The following SORL1 variants were observed in gnomAD, a reference collection of about 807,000 sequenced individuals.
SORL1 encodes the protein sortilin-related receptor.
Under a neutral mutation model 273.7 loss-of-function variants are expected in SORL1, and 127 were observed. That is an observed-to-expected ratio of 0.46 (90% CI 0.40 to 0.54). The LOEUF (loss-of-function observed/expected upper bound fraction) is 0.54, where lower values mean the gene tolerates loss of function less well. Ranked by LOEUF, SORL1 falls within the 20% of genes least tolerant of loss-of-function variation. The pLI is 0.00. For synonymous variants in SORL1, 1,031 were observed against 1,067.4 expected, an observed-to-expected ratio of 0.97 and a Z score of 0.66; for missense variants, 2,494 against 2,846.1, an observed-to-expected ratio of 0.88 and a Z score of 2.81.
chr11:121,583,501 CGG>C lies in SORL1; in HGVS notation c.3626_3627del (p.Gly1209AlafsTer10), dbSNP rs763004685. ...AGGCCTCCAACTTCCAGTGCCGAAACGGGCACTGCATCCCCCAGCGGTGGGCG... is the reference window on the plus strand; with the variant it reads ...AGGCCTCCAACTTCCAGTGCCGAAACGCACTGCATCCCCCAGCGGTGGGCG... The part of the protein sequence containing the change: ...CEASNFQCRN[G>X]HCIPQRWACD... On this transcript the variant is annotated frameshift_variant, in exon 26 of 48. Transcript: ENST00000260197. LOFTEE classifies it high-confidence loss of function. 6.2e-7 allele frequency: 1 copy of C among 1,612,910 alleles called. No homozygotes were observed.
Position 121,596,616 on chromosome 11 carries a change from A to G in SORL1, c.4519+844A>G, listed in dbSNP as rs1288069129. 6.6e-6 allele frequency among the ~76,000 whole-genome samples: 1 copy of G among 152,022 alleles called. No homozygotes were observed. The highest frequency in any genetic ancestry group is 2.4e-5 in the African/African-American group (1 of 41,406). On this transcript the variant is annotated intron_variant, in intron 32 of 47. Coordinates refer to ENST00000260197, the MANE Select transcript of SORL1 (RefSeq NM_003105.6). The surrounding 1 kb of genome is among the most constrained non-coding windows in gnomAD (Gnocchi z 4.3). ...TGCTTTGCGGGCCTCCCCTCCATCCAGTCTCCTGCTGGCTGCAGACAGCAG... is the reference window on the plus strand; with the variant it reads ...TGCTTTGCGGGCCTCCCCTCCATCCGGTCTCCTGCTGGCTGCAGACAGCAG...
intron 20 of SORL1, 129 bp from the exon 21 acceptor site, chr11:121,559,390 A>C: frequency 1.0e-6 from 1 of 960,526 alleles, no homozygotes; most frequent in Admixed American, 2.5e-5. Flanking sequence ...TTTAAGTAGA[A>C]TCTTGATCAG....
At chr11:121,585,905 A>G (rs1236502429) in intron 26 of SORL1, among the ~76,000 whole-genome samples, 1 of 152,234 alleles carries the variant, frequency 6.6e-6, no homozygotes, top group Non-Finnish European at 1.5e-5. Context: ...TCTATTACAC[A>G]GTTTTGCAAT....
chr11:121,528,703 A>G (rs1862159232), intron 11 of SORL1, among the ~76,000 whole-genome samples: 1 of 152,172 alleles, frequency 6.6e-6, no homozygotes, highest in African/African-American at 2.4e-5. Flanking sequence ...TTGATTTCTA[A>G]TTTAATTTCC....
rs756997801 is a variant in SORL1, at chr11:121,545,446, T to G, written c.2051+17T>G. On this transcript the variant is annotated intron_variant, in intron 14 of 47. Coordinates refer to ENST00000260197, the MANE Select transcript of SORL1 (RefSeq NM_003105.6). ...CTATGAGTGGTCAGTTCTTCTTTGA[T>G]GGCTGGGGACTGAGTTGTGTTTTAT... The G allele has an allele frequency of 2.5e-6, 4 of 1,612,614 alleles. No individual in the cohort carries two copies. In the African/African-American group the frequency reaches 5.3e-5, roughly 22 times the overall value.
intron 11 of SORL1, among the ~76,000 whole-genome samples, chr11:121,526,385 A>T (rs1461070363): frequency 2.6e-5 from 4 of 152,216 alleles, no homozygotes; most frequent in Non-Finnish European, 5.9e-5. Context: ...AAATGTTGAG[A>T]TCAAGTAGGG....
At chr11:121,480,582 T>C (rs892018060) in intron 3 of SORL1, among the ~76,000 whole-genome samples, 3 of 151,668 alleles carry the variant, frequency 2.0e-5, no homozygotes, top group African/African-American at 7.3e-5. Flanking sequence ...CAGATACCTA[T>C]AGGCAGGCTC....
intron 1 of SORL1, among the ~76,000 whole-genome samples, chr11:121,460,095 C>T (rs2134767659): frequency 6.6e-6 from 1 of 152,272 alleles, no homozygotes; most frequent in Middle Eastern, 3.4e-3. Context: ...AAAAGATGTA[C>T]CTATATCAAA....
At chr11:121,482,048 C>T (rs1324518431) in intron 3 of SORL1, among the ~76,000 whole-genome samples, 1 of 152,226 alleles carries the variant, frequency 6.6e-6, no homozygotes, top group African/African-American at 2.4e-5. Context: ...TGGGTTCTGA[C>T]TTCCTTTCTG....
intron 3 of SORL1, 89 bp from the exon 4 acceptor site, chr11:121,487,943 T>G: frequency 7.2e-7 from 1 of 1,392,930 alleles, no homozygotes; most frequent in Non-Finnish European, 1.0e-6. Flanking sequence ...TGCACATGTG[T>G]GTACTCGTGT....
Position 121,496,862 on chromosome 11 carries a change from C to A in SORL1, c.759-7C>A, listed in dbSNP as rs751284432. The A allele has an allele frequency of 2.0e-6, 3 of 1,491,904 alleles. No individual in the cohort carries two copies. The highest frequency in any genetic ancestry group is 2.7e-6 in the Non-Finnish European group (3 of 1,119,766). The allele number at this position is 1,491,904 out of a possible 1,614,324, so 92.4% of individuals were successfully genotyped here. ...ATGATAACAACCTTTTTTTTTTTTT[C>A]TGCCAGGGGAATTGATCCCTATGAC... is the stretch of plus-strand genomic sequence containing the variant. On this transcript the variant is annotated splice_polypyrimidine_tract_variant and splice_region_variant and intron_variant, in intron 5 of 47. Coordinates refer to ENST00000260197, the MANE Select transcript of SORL1 (RefSeq NM_003105.6).
chr11:121,606,770 T>A (rs1863480584), intron 35 of SORL1, 75 bp from the exon 36 acceptor site: 7 of 970,996 alleles, frequency 7.2e-6, no homozygotes, highest in Middle Eastern at 2.3e-4. Flanking sequence ...CTTGTCCTTG[T>A]TCTAAGCCCA....
Position 121,452,370 on chromosome 11 carries a change from G to T in SORL1, c.39G>T (p.Pro13=). The change falls in exon 1 of 48, where the codon CCG becomes CCT. Residue 13 remains proline, a synonymous_variant. Transcript: ENST00000260197. This position sits in a 1 kb window ranked among gnomAD's most constrained non-coding sequence, Gnocchi z 5.3. The part of the protein sequence containing the change: ...TRSSRRESRL[P]FLFTLVALLP... ...GCAGCAGGAGGGAGTCGCGACTCCC[G>T]TTCCTATTCACCCTGGTCGCACTGC... The T allele has an allele frequency of 1.3e-6, 2 of 1,553,706 alleles. No individual in the cohort carries two copies. Among genetic ancestry groups the T allele is most frequent in the Non-Finnish European group, 1.7e-6 (2 of 1,154,474 alleles).
At position 121,590,137 on chromosome 11, in the gene SORL1, C is replaced by G. The variant is rs2276412; in HGVS notation, c.4176C>G (p.Asn1392Lys). The change falls in exon 30 of 48, where the codon AAC (asparagine) becomes AAG (lysine). Residue 1392 changes from asparagine to lysine, a missense_variant. Asn to Lys is a moderately conservative substitution (Grantham distance 94, BLOSUM62 0). This residue lies in a region of SORL1 where 1,609 missense variants were observed against 1,816.4 expected (regional missense o/e 0.89). Coordinates refer to ENST00000260197, the MANE Select transcript of SORL1 (RefSeq NM_003105.6). ...ACAGATGGAAATGTGACAGGGAGAACGACTGTGGGGACTGGTCTGATGAGA... is the reference window on the plus strand; with the variant it reads ...ACAGATGGAAATGTGACAGGGAGAAGGACTGTGGGGACTGGTCTGATGAGA... ...IPNRWKCDRE[N>K]DCGDWSDEKD... 6.2e-7 allele frequency: 1 copy of G among 1,614,090 alleles called. No homozygotes were observed. The highest frequency in any genetic ancestry group is 1.3e-5 in the African/African-American group (1 of 74,982).
chr11:121,589,400 C>A lies in SORL1; in HGVS notation c.4078+10C>A, dbSNP rs765414894. 6.2e-7 allele frequency: 1 copy of A among 1,612,408 alleles called. No homozygotes were observed. Among genetic ancestry groups the A allele is most frequent in the Non-Finnish European group, 8.5e-7 (1 of 1,178,588 alleles). On this transcript the variant is annotated intron_variant, in intron 29 of 47. Coordinates refer to ENST00000260197, the MANE Select transcript of SORL1 (RefSeq NM_003105.6). The stretch of plus-strand genomic sequence containing the variant: ...GATGAAGCCAACTGCGGTAAGATGT[C>A]CAGTCTGCCTCCTCACATCCTAATC...
intron 11 of SORL1, among the ~76,000 whole-genome samples, chr11:121,531,756 T>G (rs748286059): frequency 6.6e-6 from 1 of 152,210 alleles, no homozygotes; most frequent in Non-Finnish European, 1.5e-5. Context: ...TTGCGTAAGT[T>G]CATATACAAA....
At chr11:121,537,417 T>C (rs185108977) in intron 12 of SORL1, among the ~76,000 whole-genome samples, 40 of 152,244 alleles carry the variant, frequency 2.6e-4, no homozygotes, top group South Asian at 1.2e-3. Flanking sequence ...CTGCAGGGCA[T>C]GGTTTCTGAT....
rs1863810454 is a variant in SORL1, at chr11:121,627,326, A to G, written c.6365-229A>G. The G allele has an allele frequency of 1.8e-6, 1 of 566,832 alleles. No individual in the cohort carries two copies. Among genetic ancestry groups the G allele is most frequent in the African/African-American group, 1.9e-5 (1 of 53,260 alleles). The allele number at this position is 566,832 out of a possible 1,614,324, so 35.1% of individuals were successfully genotyped here. A position where few individuals can be genotyped will look rare whatever the true frequency, so the allele number is the denominator to read the frequency against. On this transcript the variant is annotated intron_variant, in intron 46 of 47. Transcript: ENST00000260197. The surrounding 1 kb of genome is among the most constrained non-coding windows in gnomAD (Gnocchi z 4.9). ...CAACAAGGCAGTGATTAGGAGTCTA[A>G]TGTAATTACCATATTTGCATGCACA...
intron 21 of SORL1, among the ~76,000 whole-genome samples, chr11:121,560,243 T>C (rs1473103989): frequency 6.6e-6 from 1 of 152,244 alleles, no homozygotes; most frequent in African/African-American, 2.4e-5. Flanking sequence ...AGGTGCTCAA[T>C]TCATATTTGT....
Sources: allele counts gnomAD v4.1 joint callset (sites outside exome capture counted in the v4.1 genomes callset), GRCh38; gene constraint gnomAD v4.1.1; regional missense constraint gnomAD v4.1.1; non-coding constraint Gnocchi (gnomAD v3.1); transcripts MANE v1.5; gene names NCBI Gene and HGNC (gene_info 2026-07-23, HGNC 2026-07-21).